The following SLC39A11 variants were observed in gnomAD, a reference collection of about 807,000 sequenced individuals.
SLC39A11 encodes the protein solute carrier family 39 member 11, also known as zinc transporter ZIP11.
In SLC39A11, 33 loss-of-function variants were observed where a neutral mutation model predicts 36.1. The ratio of observed to expected loss-of-function variants is 0.91; its 90% confidence interval spans 0.69 to 1.22. The LOEUF is 1.22. SLC39A11 is among the 50% of genes most tolerant of loss of function. The probability of loss-of-function intolerance (pLI) is 0.00; values close to 1 mark genes in which losing one functional copy is unlikely to be tolerated. For missense variants in SLC39A11, 432 were observed against 430.3 expected (o/e 1.00, Z -0.03); for synonymous variants, 166 against 170.3 (o/e 0.97, Z 0.20).
intron 4 of SLC39A11, among the ~76,000 whole-genome samples, chr17:72,963,828 G>A (rs1232755461): frequency 1.3e-5 from 2 of 152,170 alleles, no homozygotes; most frequent in African/African-American, 4.8e-5. Flanking sequence ...GCAGCATTAG[G>A]CACAGGAGAC....
At chr17:72,878,063 C>T (rs894750523) in intron 5 of SLC39A11, among the ~76,000 whole-genome samples, 4 of 147,370 alleles carry the variant, frequency 2.7e-5, no homozygotes, top group African/African-American at 1.0e-4. Flanking sequence ...AGTGAGAACA[C>T]GCGGTGTTTG....
At chr17:72,821,405 C>T (rs1336309306) in intron 6 of SLC39A11, among the ~76,000 whole-genome samples, 2 of 146,566 alleles carry the variant, frequency 1.4e-5, no homozygotes, top group East Asian at 2.1e-4. Flanking sequence ...ACTCAGGAGG[C>T]GGAGGCACAA....
intron 4 of SLC39A11, among the ~76,000 whole-genome samples, chr17:73,019,760 C>T (rs764760617): frequency 1.3e-4 from 20 of 152,066 alleles, no homozygotes; most frequent in South Asian, 4.1e-4. Context: ...ATGGTAGTCA[C>T]GGACCCAATC....
chr17:72,705,297 C>T (rs531086086), intron 7 of SLC39A11, among the ~76,000 whole-genome samples: 43 of 152,314 alleles, frequency 2.8e-4, no homozygotes, highest in Admixed American at 1.2e-3. Flanking sequence ...CTCCCTCTCC[C>T]CCAACCTTTA....
At chr17:72,860,553 C>T (rs1242749469) in intron 5 of SLC39A11, among the ~76,000 whole-genome samples, 2 of 152,136 alleles carry the variant, frequency 1.3e-5, no homozygotes, top group Non-Finnish European at 2.9e-5. Flanking sequence ...GTGGGGACAA[C>T]CTAAGTTGCT....
chr17:72,937,009 G>A (rs1219497454), intron 5 of SLC39A11, among the ~76,000 whole-genome samples: 1 of 152,228 alleles, frequency 6.6e-6, no homozygotes, highest in Admixed American at 6.5e-5. Context: ...CTGCCCAGGG[G>A]TTGGGGACCC....
chr17:72,873,945 C>T (rs557774349), intron 5 of SLC39A11, among the ~76,000 whole-genome samples: 1 of 152,160 alleles, frequency 6.6e-6, no homozygotes, highest in Non-Finnish European at 1.5e-5. Flanking sequence ...GGGCTCCCCC[C>T]ACTTGCTCAG....
At chr17:72,737,559 C>G (rs974365714) in intron 6 of SLC39A11, among the ~76,000 whole-genome samples, 1 of 152,218 alleles carries the variant, frequency 6.6e-6, no homozygotes, top group African/African-American at 2.4e-5. Context: ...AAAGATGTCA[C>G]TGCAGACATA....
intron 5 of SLC39A11, among the ~76,000 whole-genome samples, chr17:72,925,845 G>A (rs1470602396): frequency 4.6e-5 from 7 of 152,190 alleles, no homozygotes; most frequent in Non-Finnish European, 1.0e-4. Flanking sequence ...AATCCAGAAG[G>A]AGAAAACAAT....
chr17:72,656,164 A>C (rs1184235061), intron 7 of SLC39A11, among the ~76,000 whole-genome samples: 1 of 152,162 alleles, frequency 6.6e-6, no homozygotes, highest in Non-Finnish European at 1.5e-5. Flanking sequence ...TCAAAACAGC[A>C]TTCAAAAGCC....
At chr17:73,084,086 G>A (rs1032512211) in intron 3 of SLC39A11, among the ~76,000 whole-genome samples, 3 of 152,156 alleles carry the variant, frequency 2.0e-5, no homozygotes, top group African/African-American at 4.8e-5. Context: ...TTGAAGTTGG[G>A]AGATGGGTGT....
chr17:72,786,223 A>G (rs2076510245), intron 6 of SLC39A11, among the ~76,000 whole-genome samples: 2 of 152,202 alleles, frequency 1.3e-5, no homozygotes, highest in Admixed American at 1.3e-4. Flanking sequence ...ATCCACAAAC[A>G]TATGGAAAAC....
intron 6 of SLC39A11, among the ~76,000 whole-genome samples, chr17:72,785,812 T>A (rs1197843850): frequency 6.6e-6 from 1 of 152,242 alleles, no homozygotes; most frequent in Non-Finnish European, 1.5e-5. Context: ...GTTAAGTATG[T>A]ATCTCAATCC....
chr17:72,690,027 G>A (rs867498614), intron 7 of SLC39A11, among the ~76,000 whole-genome samples: 21 of 152,166 alleles, frequency 1.4e-4, no homozygotes, highest in Middle Eastern at 3.2e-3. Context: ...CCACTGGGAG[G>A]GGGCCTTGCA....
In SLC39A11 at chr17:72,674,793, T is replaced by C. The variant is rs374380597; in HGVS notation, c.672-25525A>G. ...AACTAGCATGTTTATAATGAGGAGG[T>C]GAGTTTCAGCGTTTTTCTCATCTGC... On this transcript the variant is annotated intron_variant, in intron 7 of 9. Coordinates refer to ENST00000255559, the MANE Select transcript of SLC39A11 (RefSeq NM_139177.4). Among the ~76,000 whole-genome samples the C allele has an allele frequency of 1.9e-4, 29 of 152,006 alleles. 1 individual carries two copies. Among genetic ancestry groups the C allele is most frequent in the Admixed American group, 1.0e-3 (16 of 15,264 alleles).
At chr17:72,992,897 A>ACATGGCTGGGGAGGCCTCACAGT in intron 4 of SLC39A11, 1 of 152,402 alleles carries the variant, frequency 6.6e-6, no homozygotes, top group African/African-American at 2.4e-5. Context: ...TCACAGTTCC[A>ACATGGCTGGGGAGGCCTCACAGT]CATGGCTGGG....
At chr17:73,004,690 T>C (rs548362496) in intron 4 of SLC39A11, among the ~76,000 whole-genome samples, 23 of 152,378 alleles carry the variant, frequency 1.5e-4, no homozygotes, top group African/African-American at 5.0e-4. Flanking sequence ...TGGAGGTTTC[T>C]ACTTCACCTG....
At chr17:72,688,371 T>C (rs1027638541) in intron 7 of SLC39A11, among the ~76,000 whole-genome samples, 2 of 152,242 alleles carry the variant, frequency 1.3e-5, no homozygotes, top group Non-Finnish European at 2.9e-5. Flanking sequence ...AGGCAAATAA[T>C]GCAGCTTCTC....
At chr17:72,955,408 T>C (rs1312997857) in intron 4 of SLC39A11, among the ~76,000 whole-genome samples, 1 of 147,928 alleles carries the variant, frequency 6.8e-6, no homozygotes, top group Non-Finnish European at 1.5e-5. Context: ...GTTCAAGCAA[T>C]TCTCATGCCT....
Sources: gnomAD v4.1 joint callset for allele counts (sites outside exome capture counted in the v4.1 genomes callset) on GRCh38, gnomAD v4.1.1 for gene constraint, MANE v1.5 for transcripts, NCBI Gene and HGNC (gene_info 2026-07-23, HGNC 2026-07-21) for gene names.